Variants in GRM1 observed in about 807,000 individuals in gnomAD.
The protein encoded by GRM1 is metabotropic glutamate receptor 1.
Under a neutral mutation model 90.9 loss-of-function variants are expected in GRM1, and 33 were observed. The observed-to-expected ratio is 0.36, with a 90% CI of 0.28 to 0.49. The LOEUF (loss-of-function observed/expected upper bound fraction) is 0.49. Among genes scored for constraint, GRM1 ranks in the 20% least tolerant of loss-of-function variants. The pLI, the probability that GRM1 is intolerant of heterozygous loss-of-function variation, is 0.99. For synonymous variants in GRM1, 700 were observed against 613.2 expected, an observed-to-expected ratio of 1.14 and a Z score of -2.09; for missense variants, 1,190 against 1,534.3, an observed-to-expected ratio of 0.78 and a Z score of 3.75.
At chr6:146,277,038 G>T (rs929951074) in intron 2 of GRM1, among the ~76,000 whole-genome samples, 4 of 152,152 alleles carry the variant, frequency 2.6e-5, no homozygotes, top group African/African-American at 9.7e-5. Flanking sequence ...GGAGATTGAG[G>T]CTGCAGTTAG....
rs1047008 is a variant in GRM1 at position 146,434,568 on chromosome 6, G to A, written c.3357G>A (p.Thr1119=). The change falls in exon 8 of 8, where the codon ACG becomes ACA. Residue 1119 remains threonine, a synonymous_variant. Coordinates refer to ENST00000282753, the MANE Select transcript of GRM1 (RefSeq NM_001278064.2). ...YVYEHEREGN[T]EEDELEEEEE... ...ATGAGCACGAGCGGGAAGGGAACACGGAAGAAGACGAACTGGAAGAGGAGG... is the reference window on the plus strand; with the variant it reads ...ATGAGCACGAGCGGGAAGGGAACACAGAAGAAGACGAACTGGAAGAGGAGG... 1.2e-6 allele frequency: 2 copies of A among 1,614,048 alleles called. No individual in the cohort carries two copies. The highest frequency in any genetic ancestry group is 1.7e-6 in the Non-Finnish European group (2 of 1,180,006).
At chr6:146,419,846 C>G (rs937241239) in intron 7 of GRM1, among the ~76,000 whole-genome samples, 1 of 152,120 alleles carries the variant, frequency 6.6e-6, no homozygotes. Context: ...TCACCTCCCA[C>G]GAGACCCCTT....
intron 2 of GRM1, among the ~76,000 whole-genome samples, chr6:146,241,433 G>T (rs1780857224): frequency 6.6e-6 from 1 of 152,070 alleles, no homozygotes. Context: ...ATATTGAATT[G>T]AAGATCTTGG....
chr6:146,317,156 A>T (rs1350218528), intron 3 of GRM1, among the ~76,000 whole-genome samples: 2 of 152,148 alleles, frequency 1.3e-5, no homozygotes, highest in Non-Finnish European at 2.9e-5. Context: ...ATTTTCAGAG[A>T]TTTTTAACAA....
rs143624231 is a variant in GRM1, at chr6:146,049,651, ATATCTATCTATC to A, written c.700+19475_700+19486del. ...CAATTCCCATATGAAACCTCCTTTC[ATATCTATCTATC>A]TATCTATCTATCTATCTATCTATCT... On this transcript the variant is annotated intron_variant, in intron 1 of 7. Transcript: ENST00000282753. Among the ~76,000 whole-genome samples, 853 of 147,566 alleles carry A rather than the reference ATATCTATCTATC, an allele frequency of 5.8e-3. 3 individuals are homozygous for A. Among genetic ancestry groups the A allele is most frequent in the South Asian group, 0.011 (51 of 4,554 alleles).
chr6:146,342,445 G>A lies in GRM1; in HGVS notation c.1187-9805G>A, dbSNP rs577257044. Among the ~76,000 whole-genome samples the A allele has an allele frequency of 7.2e-5, 11 of 152,334 alleles. No homozygotes were observed. In the East Asian group the frequency reaches 1.7e-3, roughly 24 times the overall value. ...TTCCCATTAGCTTGCTGAGTGTAATGTTACTCTGGGACAGTAACTAAGCAA... is the reference window on the plus strand; with the variant it reads ...TTCCCATTAGCTTGCTGAGTGTAATATTACTCTGGGACAGTAACTAAGCAA... On this transcript the variant is annotated intron_variant, in intron 3 of 7. Coordinates refer to ENST00000282753, the MANE Select transcript of GRM1 (RefSeq NM_001278064.2).
At chr6:146,262,255 A>G (rs1414528693) in intron 2 of GRM1, among the ~76,000 whole-genome samples, 1 of 152,082 alleles carries the variant, frequency 6.6e-6, no homozygotes, top group African/African-American at 2.4e-5. Context: ...TAAAAAAAAT[A>G]TTTAAAATCT....
At position 146,084,675 on chromosome 6, in the gene GRM1, A is replaced by G. The variant is rs143176996; in HGVS notation, c.700+54458A>G. On this transcript the variant is annotated intron_variant, in intron 1 of 7. Coordinates refer to ENST00000282753, the MANE Select transcript of GRM1 (RefSeq NM_001278064.2). ...CTTTCAATTATGTGGTCAATTTTAG[A>G]ATAAGTGCCATATGGCACTGGGAAG... Among the ~76,000 whole-genome samples the G allele has an allele frequency of 2.8e-3, 422 of 152,294 alleles. 1 individual carries two copies. The highest frequency in any genetic ancestry group is 4.7e-3 in the Non-Finnish European group (321 of 68,016).
intron 2 of GRM1, among the ~76,000 whole-genome samples, chr6:146,174,742 A>G (rs1267550340): frequency 1.3e-5 from 2 of 152,220 alleles, no homozygotes; most frequent in African/African-American, 4.8e-5. Context: ...AAGAGAGGAA[A>G]GTCTTGGCTG....
At chr6:146,279,814 AT>A (rs200054864) in intron 2 of GRM1, among the ~76,000 whole-genome samples, 1,946 of 150,964 alleles carry the variant, frequency 0.013, 73 homozygotes, top group East Asian at 0.079. Flanking sequence ...TTATTTATTG[AT>A]TTTTTTTTCA....
At chr6:146,042,102 G>A (rs1791133459) in intron 1 of GRM1, among the ~76,000 whole-genome samples, 1 of 151,996 alleles carries the variant, frequency 6.6e-6, no homozygotes, top group Non-Finnish European at 1.5e-5. Context: ...TTTGAGTGCA[G>A]GGCCCTCAAT....
At chr6:146,109,807 C>A (rs73009043) in intron 1 of GRM1, among the ~76,000 whole-genome samples, 6 of 152,334 alleles carry the variant, frequency 3.9e-5, no homozygotes, top group African/African-American at 1.4e-4. Context: ...GAACCCCTGT[C>A]ATGCATCAGC....
intron 1 of GRM1, among the ~76,000 whole-genome samples, chr6:146,147,227 T>C (rs1361562692): frequency 6.6e-6 from 1 of 152,232 alleles, no homozygotes; most frequent in East Asian, 1.9e-4. Flanking sequence ...TATAGAAAAC[T>C]ACTGGAGTCT....
chr6:146,183,195 A>G (rs923011419), intron 2 of GRM1, among the ~76,000 whole-genome samples: 1 of 151,880 alleles, frequency 6.6e-6, no homozygotes, highest in African/African-American at 2.4e-5. Context: ...ACAAGTGGAG[A>G]CCTCCTTCCT....
chr6:146,052,288 T>A (rs1306240753), intron 1 of GRM1, among the ~76,000 whole-genome samples: 1 of 152,062 alleles, frequency 6.6e-6, no homozygotes, highest in Non-Finnish European at 1.5e-5. Context: ...TCAGCCTCTC[T>A]GTTGTTTATA....
chr6:146,172,936 A>G (rs980619587), intron 2 of GRM1, among the ~76,000 whole-genome samples: 7 of 152,228 alleles, frequency 4.6e-5, no homozygotes, highest in Admixed American at 2.6e-4. Context: ...AGGATCAGAA[A>G]TAAATACGTA....
At chr6:146,228,567 C>G (rs538171882) in intron 2 of GRM1, among the ~76,000 whole-genome samples, 6 of 152,034 alleles carry the variant, frequency 3.9e-5, no homozygotes, top group African/African-American at 9.7e-5. Context: ...CCATAGCAAC[C>G]GGGAACCTAG....
At chr6:146,123,437 G>C (rs1167924675) in intron 1 of GRM1, among the ~76,000 whole-genome samples, 1 of 152,142 alleles carries the variant, frequency 6.6e-6, no homozygotes, top group Non-Finnish European at 1.5e-5. Flanking sequence ...TGGATGCAGG[G>C]GCTGCCTCTT....
chr6:146,310,584 C>T (rs1011071830), intron 3 of GRM1, among the ~76,000 whole-genome samples: 2 of 152,154 alleles, frequency 1.3e-5, no homozygotes, highest in East Asian at 3.8e-4. Context: ...TAGCATCTCT[C>T]CTCGAGAGGT....
Sources: allele counts gnomAD v4.1 joint callset (sites outside exome capture counted in the v4.1 genomes callset), GRCh38; gene constraint gnomAD v4.1.1; transcripts MANE v1.5; gene names NCBI Gene and HGNC (gene_info 2026-07-23, HGNC 2026-07-21).